GPRIN2: variants seen among roughly 807,000 people sequenced by gnomAD.
GPRIN2 encodes the protein G protein regulated inducer of neurite outgrowth 2, also known as G protein-regulated inducer of neurite outgrowth 2.
A neutral mutation model predicts 0.3 loss-of-function variants in GPRIN2; 1 was observed. The ratio of observed to expected loss-of-function variants is 3.90; its 90% CI spans 1.39 to 18.51. The LOEUF is 18.51. GPRIN2 is among the 30% of genes most tolerant of loss of function. The probability of loss-of-function intolerance (pLI) is 0.11; values close to 1 mark genes in which losing one functional copy is unlikely to be tolerated. For synonymous variants in GPRIN2, 361 were observed against 258.6 expected (o/e 1.40, Z -3.80); for missense variants, 880 against 604.2 (o/e 1.46, Z -4.79).
chr10:46,555,912 C>T (rs1392951344), intron 1 of GPRIN2, among the ~76,000 whole-genome samples: 2 of 152,312 alleles, frequency 1.3e-5, no homozygotes, highest in African/African-American at 2.4e-5. Context: ...CACAGGCCGC[C>T]CCTGCTGCGG....
chr10:46,556,088 T>C (rs893955342), intron 1 of GPRIN2, among the ~76,000 whole-genome samples: 4 of 152,286 alleles, frequency 2.6e-5, no homozygotes, highest in Admixed American at 2.0e-4. Flanking sequence ...TGCAGGCAAA[T>C]GGGGCTGTGG....
chr10:46,545,305 G>A lies in GPRIN2; in HGVS notation c.*4055C>T, dbSNP rs1166418454. Among the ~76,000 whole-genome samples, 1 of 152,298 alleles carries A rather than the reference G, an allele frequency of 6.6e-6. No individual in the cohort carries two copies. Among genetic ancestry groups the A allele is most frequent in the East Asian group, 1.9e-4 (1 of 5,208 alleles). Reference sequence around the variant, plus strand: ...GCTCCTAGAGCTTCCTAGCCTGCCTGCCAGAGAGCAGAAGTGCCTGGAGGC... The same window carrying A: ...GCTCCTAGAGCTTCCTAGCCTGCCTACCAGAGAGCAGAAGTGCCTGGAGGC... On this transcript the variant is annotated 3_prime_UTR_variant, in exon 3 of 3. Transcript: ENST00000374314.
rs1832621408 is a variant in GPRIN2 at position 46,549,703 on chromosome 10, C to A, written c.1034G>T (p.Cys345Phe). 5 of 1,613,876 alleles carry A rather than the reference C, an allele frequency of 3.1e-6. No homozygotes were observed. Among genetic ancestry groups the A allele is most frequent in the Non-Finnish European group, 4.2e-6 (5 of 1,179,954 alleles). ...GGACGGACTGGTGGCCACAGCCTTG[C>A]AGGCCGCCACTGGGGCCGCCTGCAC... ...AGVQAAPVAA[C>F]KAVATSPSLE... is the part of the protein sequence containing the mutation. Residue 345 changes from cysteine to phenylalanine, a missense_variant, in exon 3 of 3, where the codon TGC becomes TTC. Cys to Phe is a radical substitution (Grantham distance 205). Coordinates refer to ENST00000374314, the MANE Select transcript of GPRIN2 (RefSeq NM_001385282.1).
intron 2 of GPRIN2, among the ~76,000 whole-genome samples, chr10:46,551,110 T>C (rs1352919408): frequency 5.9e-5 from 9 of 152,418 alleles, no homozygotes; most frequent in Non-Finnish European, 1.0e-4. Flanking sequence ...GGGGTGAAAC[T>C]GCAGCCCTAG....
chr10:46,552,415 G>A (rs1017547963), intron 2 of GPRIN2, among the ~76,000 whole-genome samples: 6 of 152,310 alleles, frequency 3.9e-5, no homozygotes, highest in Non-Finnish European at 8.8e-5. Context: ...AGCCTAGGCT[G>A]ATAAAGACTT....
In GPRIN2 at chr10:46,549,447, C is replaced by A. The variant is rs1361257505; in HGVS notation, c.1290G>T (p.Val430=). 1.1e-5 allele frequency: 17 copies of A among 1,606,738 alleles called. No individual in the cohort carries two copies. In the Admixed American group the frequency reaches 1.9e-4, roughly 18 times the overall value. The part of the protein sequence containing the change: ...RAPASEDSLS[V]EGRRGPLRAV... ...CCCGCAGTGGCCCCCTCCGGCCCTC[C>A]ACAGACAGGCTGTCCTCGCTGGCGG... The change falls in exon 3 of 3, where the codon GTG becomes GTT. Residue 430 remains valine, a synonymous_variant. Coordinates refer to ENST00000374314, the MANE Select transcript of GPRIN2 (RefSeq NM_001385282.1).
rs1842434859 is a variant in GPRIN2 at position 46,549,271 on chromosome 10, G to A, written c.*89C>T. 7.2e-7 allele frequency: 1 copy of A among 1,396,428 alleles called. No individual in the cohort carries two copies. The highest frequency in any genetic ancestry group is 9.4e-7 in the Non-Finnish European group (1 of 1,066,714). 86.5% of individuals were successfully genotyped at this position (1,396,428 alleles called of 1,614,324 possible). ...TGAGAGATGTGCCCAGCTGCCGGTG[G>A]GTCCAGGGGGCACGGAGCCCCCACC... On this transcript the variant is annotated 3_prime_UTR_variant, in exon 3 of 3. Coordinates refer to ENST00000374314, the MANE Select transcript of GPRIN2 (RefSeq NM_001385282.1).
rs1422670248 is a variant in GPRIN2 at position 46,549,062 on chromosome 10, A to AT, written c.*297dup. On this transcript the variant is annotated 3_prime_UTR_variant, in exon 3 of 3. Transcript: ENST00000374314. ...CTGAGGGTGGAGTGAACAAAAGGTCATTTTTTACAGAAAACTCAGGATCTC... is the reference window on the plus strand; with the variant it reads ...CTGAGGGTGGAGTGAACAAAAGGTCATTTTTTTACAGAAAACTCAGGATCTC... 2.4e-6 allele frequency: 1 copy of AT among 410,564 alleles called. No individual in the cohort carries two copies. Among genetic ancestry groups the AT allele is most frequent in the Non-Finnish European group, 4.4e-6 (1 of 226,256 alleles). 25.4% of individuals were successfully genotyped at this position (410,564 alleles called of 1,614,324 possible). A position where few individuals can be genotyped will look rare whatever the true frequency, so the allele number is the denominator to read the frequency against.
rs1435267937 is a variant in GPRIN2 at position 46,547,977 on chromosome 10, A to G, written c.*1383T>C. 2.6e-5 allele frequency among the ~76,000 whole-genome samples: 4 copies of G among 152,424 alleles called. No individual in the cohort carries two copies. Among genetic ancestry groups the G allele is most frequent in the Non-Finnish European group, 4.4e-5 (3 of 68,048 alleles). On this transcript the variant is annotated 3_prime_UTR_variant, in exon 3 of 3. Coordinates refer to ENST00000374314, the MANE Select transcript of GPRIN2 (RefSeq NM_001385282.1). ...TGTTGCATGAGTCATTTCCACCTCA[A>G]TGAGTACCAGGTCCTTGAGGATGGG...
At position 46,544,818 on chromosome 10, in the gene GPRIN2, C is replaced by G. The variant is rs1356096207; in HGVS notation, c.*4542G>C. Among the ~76,000 whole-genome samples the G allele has an allele frequency of 1.3e-5, 2 of 152,308 alleles. No individual in the cohort carries two copies. Among genetic ancestry groups the G allele is most frequent in the African/African-American group, 4.8e-5 (2 of 41,488 alleles). On this transcript the variant is annotated 3_prime_UTR_variant, in exon 3 of 3. Coordinates refer to ENST00000374314, the MANE Select transcript of GPRIN2 (RefSeq NM_001385282.1). ...GGTGTGTGCTGTTGGTGTGAGAGAT[C>G]TGGATCTTAACAGATCAGACTTAAA...
chr10:46,556,781 C>A (rs1460137549), upstream of GPRIN2, among the ~76,000 whole-genome samples: 2 of 152,362 alleles, frequency 1.3e-5, no homozygotes, highest in Admixed American at 1.3e-4. Flanking sequence ...CCGGGATCTG[C>A]GTCCGCGCGC....
chr10:46,549,612 C>G lies in GPRIN2; in HGVS notation c.1125G>C (p.Val375=), dbSNP rs1832656739. The change falls in exon 3 of 3, where the codon GTG becomes GTC. Residue 375 remains valine (V), a synonymous_variant. Coordinates refer to ENST00000374314, the MANE Select transcript of GPRIN2 (RefSeq NM_001385282.1). ...ATCGCACATCCCGCACAGGGGACGG[C>G]ACCTCCTCCAGGCTGGACCCCAGAG... ...EVTLGSSLEE[V]PSPVRDVRWD... 6.2e-7 allele frequency: 1 copy of G among 1,614,050 alleles called. No homozygotes were observed. Among genetic ancestry groups the G allele is most frequent in the Non-Finnish European group, 8.5e-7 (1 of 1,179,830 alleles).
In GPRIN2 at chr10:46,549,017, C is replaced by T. The variant is rs1832772163; in HGVS notation, c.*343G>A. 1,046 of 365,440 alleles carry T rather than the reference C, an allele frequency of 2.9e-3. 1 individual carries two copies. Among genetic ancestry groups the T allele is most frequent in the Middle Eastern group, 0.013 (18 of 1,388 alleles). 22.6% of individuals were successfully genotyped at this position (365,440 alleles called of 1,614,324 possible). A position where few individuals can be genotyped will look rare whatever the true frequency, so the allele number is the denominator to read the frequency against. ...TCAAATAAAGCCACCAAGAGTCTGA[C>T]GAGGCAACATGGCAGAGTTCTGAGG... On this transcript the variant is annotated 3_prime_UTR_variant, in exon 3 of 3. Transcript: ENST00000374314.
At position 46,549,295 on chromosome 10, in the gene GPRIN2, C is replaced by T. The variant is rs1202027862; in HGVS notation, c.*65G>A. On this transcript the variant is annotated 3_prime_UTR_variant, in exon 3 of 3. Coordinates refer to ENST00000374314, the MANE Select transcript of GPRIN2 (RefSeq NM_001385282.1). ...GGGTCCAGGGGGCACGGAGCCCCCA[C>T]CGTCCCTGGCCCAGGTCTAGGACTA... 2.1e-6 allele frequency: 3 copies of T among 1,442,110 alleles called. No individual in the cohort carries two copies. The highest frequency in any genetic ancestry group is 2.7e-6 in the Non-Finnish European group (3 of 1,096,386). 89.3% of individuals were successfully genotyped at this position (1,442,110 alleles called of 1,614,324 possible).
rs1266425640 is a variant in GPRIN2 at position 46,549,453 on chromosome 10, CA to C, written c.1283del (p.Leu428ArgfsTer44). 2 of 1,608,620 alleles carry C rather than the reference CA, an allele frequency of 1.2e-6. No homozygotes were observed. The highest frequency in any genetic ancestry group is 1.7e-6 in the Non-Finnish European group (2 of 1,177,168). ...LQRAPASEDS[L>X]SVEGRRGPLR... ...GTGGCCCCCTCCGGCCCTCCACAGACAGGCTGTCCTCGCTGGCGGGCGCCCG... is the reference window on the plus strand; with the variant it reads ...GTGGCCCCCTCCGGCCCTCCACAGACGGCTGTCCTCGCTGGCGGGCGCCCG... On this transcript the variant is annotated frameshift_variant, in exon 3 of 3. Coordinates refer to ENST00000374314, the MANE Select transcript of GPRIN2 (RefSeq NM_001385282.1). LOFTEE classifies it high-confidence loss of function.
chr10:46,547,208 C>T lies in GPRIN2; in HGVS notation c.*2152G>A, dbSNP rs1396441278. 2.6e-5 allele frequency among the ~76,000 whole-genome samples: 4 copies of T among 152,270 alleles called. No individual in the cohort carries two copies. Among genetic ancestry groups the T allele is most frequent in the African/African-American group, 7.2e-5 (3 of 41,484 alleles). ...CCCAAATCCATTGCACACATGTGTG[C>T]CTGTGTATGCGTGTGTGTGCACGTG... On this transcript the variant is annotated 3_prime_UTR_variant, in exon 3 of 3. Coordinates refer to ENST00000374314, the MANE Select transcript of GPRIN2 (RefSeq NM_001385282.1).
chr10:46,543,575 G>T lies in GPRIN2; in HGVS notation c.*5785C>A, dbSNP rs1256685856. Among the ~76,000 whole-genome samples the T allele has an allele frequency of 6.6e-6, 1 of 152,306 alleles. No individual in the cohort carries two copies. The highest frequency in any genetic ancestry group is 1.5e-5 in the Non-Finnish European group (1 of 68,056). On this transcript the variant is annotated 3_prime_UTR_variant, in exon 3 of 3. Transcript: ENST00000374314. ...GCACACTCTGTCTTTTCTCAGGAAA[G>T]CTGCAGGGAAATGAAAAGCTCCAGG...
rs1216828419 is a variant in GPRIN2 at position 46,545,209 on chromosome 10, CCCT to C, written c.*4148_*4150del. Among the ~76,000 whole-genome samples, 64 of 152,382 alleles carry C rather than the reference CCCT, an allele frequency of 4.2e-4. No homozygotes were observed. Among genetic ancestry groups the C allele is most frequent in the Non-Finnish European group, 8.2e-4 (56 of 68,012 alleles). The stretch of plus-strand genomic sequence containing the variant: ...GGTGCACCCCCAGATGCCTGTGACT[CCCT>C]CTGGTGGTTTCTGTGCACAACTTCC... On this transcript the variant is annotated 3_prime_UTR_variant, in exon 3 of 3. Transcript: ENST00000374314.
chr10:46,544,180 C>T lies in GPRIN2; in HGVS notation c.*5180G>A, dbSNP rs1184756589. 6.6e-6 allele frequency among the ~76,000 whole-genome samples: 1 copy of T among 152,312 alleles called. No homozygotes were observed. The highest frequency in any genetic ancestry group is 2.4e-5 in the African/African-American group (1 of 41,488). ...GCAGAGGGGCTCCATTCCCCTGACC[C>T]TCAGTCACTTCCCAGAAACCACACA... On this transcript the variant is annotated 3_prime_UTR_variant, in exon 3 of 3. Transcript: ENST00000374314.
Sources: allele counts gnomAD v4.1 joint callset (sites outside exome capture counted in the v4.1 genomes callset), GRCh38; gene constraint gnomAD v4.1.1; transcripts MANE v1.5; gene names NCBI Gene and HGNC (gene_info 2026-07-23, HGNC 2026-07-21).